Variants in ELP4 observed in about 807,000 individuals in gnomAD.
ELP4 encodes the protein elongator complex protein 4.
In ELP4, 51 loss-of-function variants were observed where a neutral mutation model predicts 48.9. The ratio of observed to expected loss-of-function variants is 1.04; its 90% CI spans 0.83 to 1.32. The LOEUF (loss-of-function observed/expected upper bound fraction) is 1.32. ELP4 is among the 40% of genes most tolerant of loss of function. The pLI, the probability that ELP4 is intolerant of heterozygous loss-of-function variation, is 0.00. For missense variants in ELP4, 519 were observed against 514.6 expected, an observed-to-expected ratio of 1.01 and a Z score of -0.08; for synonymous variants, 210 against 189.2, an observed-to-expected ratio of 1.11 and a Z score of -0.90.
intron 3 of ELP4, among the ~76,000 whole-genome samples, chr11:31,552,291 G>A (rs2093613): frequency 0.26 from 40,050 of 151,956 alleles, 5,518 homozygotes; most frequent in South Asian, 0.34. Context: ...CGCTGATCAC[G>A]TCTGCCCCAA....
In ELP4 at chr11:31,548,162, A is replaced by C. The variant is rs538115142; in HGVS notation, c.381+8379A>C. On this transcript the variant is annotated intron_variant, in intron 3 of 9. Coordinates refer to ENST00000640961, the MANE Select transcript of ELP4 (RefSeq NM_019040.5). Reference sequence around the variant, plus strand: ...GGCAATTAGGCAGGAGAAGGAAATAAGGGTATTCAATTAGGAAAAGAGGAA... The same window carrying C: ...GGCAATTAGGCAGGAGAAGGAAATACGGGTATTCAATTAGGAAAAGAGGAA... Among the ~76,000 whole-genome samples the C allele has an allele frequency of 2.3e-4, 35 of 152,342 alleles. 1 individual carries two copies. The South Asian group carries it at 4.6e-3, about 20-fold the overall frequency.
intron 6 of ELP4, among the ~76,000 whole-genome samples, chr11:31,627,441 TTAAA>T (rs1405167476): frequency 2.0e-5 from 3 of 152,078 alleles, no homozygotes; most frequent in Non-Finnish European, 2.9e-5. Flanking sequence ...AACATCATTT[TTAAA>T]TATGCATTTG....
At chr11:31,757,119 A>G (rs1947850399) in intron 9 of ELP4, among the ~76,000 whole-genome samples, 1 of 152,222 alleles carries the variant, frequency 6.6e-6, no homozygotes. Context: ...AATGCAAGAA[A>G]ATCAAAATAT....
chr11:31,584,183 T>C (rs1433567545), intron 3 of ELP4, among the ~76,000 whole-genome samples: 1 of 151,996 alleles, frequency 6.6e-6, no homozygotes, highest in Non-Finnish European at 1.5e-5. Context: ...TAGATATAAG[T>C]TAATTAAATT....
chr11:31,763,656 T>C, intron 9 of ELP4: 1 of 1,116,520 alleles, frequency 9.0e-7, no homozygotes, highest in Non-Finnish European at 1.2e-6. Flanking sequence ...CACATACTGC[T>C]ATTTAATCAC....
chr11:31,516,019 G>GA (rs949314903), intron 1 of ELP4, among the ~76,000 whole-genome samples: 1 of 151,882 alleles, frequency 6.6e-6, no homozygotes, highest in Non-Finnish European at 1.5e-5. Context: ...GCAGAGGCAG[G>GA]AGAATGGGGG....
At chr11:31,543,490 T>G (rs977896428) in intron 3 of ELP4, among the ~76,000 whole-genome samples, 17 of 152,082 alleles carry the variant, frequency 1.1e-4, no homozygotes, top group Non-Finnish European at 1.9e-4. Flanking sequence ...CGGCTAATTT[T>G]TTGTATTTTT....
At chr11:31,687,534 A>G (rs1453930070) in intron 9 of ELP4, 1 of 152,220 alleles carries the variant, frequency 6.6e-6, no homozygotes, top group African/African-American at 2.4e-5. Flanking sequence ...TCAGGGGCAT[A>G]GGGCTCAAAA....
chr11:31,520,210 A>C (rs1257400491), intron 2 of ELP4, 119 bp downstream of exon 2: 1 of 817,108 alleles, frequency 1.2e-6, no homozygotes, highest in East Asian at 2.7e-5. Flanking sequence ...AGTTAAGATA[A>C]ATTAGAGAGG....
intron 2 of ELP4, among the ~76,000 whole-genome samples, chr11:31,533,368 CTTTTTTTTTTTTTTT>C (rs71060492): frequency 2.0e-5 from 1 of 50,460 alleles, no homozygotes; most frequent in Non-Finnish European, 3.3e-5. Flanking sequence ...CCATCTCATT[CTTTTTTTTTTTTTTT>C]TTTTTTTTTT....
At position 31,716,556 on chromosome 11, in the gene ELP4, A is replaced by T. The variant is rs530460994; in HGVS notation, c.1143+66335A>T. ...CCATATAAGTGTTATTATTAATATCAAGGAATACTGTGTGTAGCCCATCAG... is the reference window on the plus strand; with the variant it reads ...CCATATAAGTGTTATTATTAATATCTAGGAATACTGTGTGTAGCCCATCAG... On this transcript the variant is annotated intron_variant, in intron 9 of 9. Transcript: ENST00000640961. 1.9e-4 allele frequency among the ~76,000 whole-genome samples: 29 copies of T among 152,328 alleles called. No individual in the cohort carries two copies. In the East Asian group the frequency reaches 4.6e-3, roughly 24 times the overall value.
intron 7 of ELP4, among the ~76,000 whole-genome samples, chr11:31,645,317 A>T (rs1945178498): frequency 6.6e-6 from 1 of 151,770 alleles, no homozygotes; most frequent in Admixed American, 6.6e-5. Flanking sequence ...TAAATCTCCC[A>T]CAAACTACCT....
chr11:31,669,398 C>T (rs1433156344), intron 9 of ELP4, among the ~76,000 whole-genome samples: 3 of 151,954 alleles, frequency 2.0e-5, no homozygotes, highest in Non-Finnish European at 4.4e-5. Flanking sequence ...TTTATAAATG[C>T]GAAAAATGCT....
intron 5 of ELP4, among the ~76,000 whole-genome samples, chr11:31,621,864 A>T (rs1188664520): frequency 2.0e-5 from 3 of 151,830 alleles, no homozygotes; most frequent in African/African-American, 7.2e-5. Context: ...GTGGGGCTTT[A>T]TCTTAGTATA....
chr11:31,628,436 T>TACACACACACACACACAC (rs55801807), intron 6 of ELP4: 3 of 148,242 alleles, frequency 2.0e-5, no homozygotes, highest in Non-Finnish European at 3.0e-5. Flanking sequence ...GCAAAAGGAA[T>TACACACACACACACACAC]ACACACACAC....
At chr11:31,653,658 A>G (rs962213081) in intron 9 of ELP4, 4 of 151,740 alleles carry the variant, frequency 2.6e-5, no homozygotes, top group African/African-American at 9.7e-5. Flanking sequence ...GCTGAAATGT[A>G]TGTAATATAG....
chr11:31,749,735 G>C (rs1947676860), intron 9 of ELP4, among the ~76,000 whole-genome samples: 1 of 152,014 alleles, frequency 6.6e-6, no homozygotes, highest in Non-Finnish European at 1.5e-5. Context: ...TAACCACATA[G>C]ATAGTAATTC....
chr11:31,513,856 A>T (rs972273284), intron 1 of ELP4, among the ~76,000 whole-genome samples: 1 of 152,202 alleles, frequency 6.6e-6, no homozygotes, highest in Non-Finnish European at 1.5e-5. Flanking sequence ...ATTTTCTAAT[A>T]TTATTTCTTA....
chr11:31,609,087 A>G (rs1384932356), intron 5 of ELP4, among the ~76,000 whole-genome samples: 1 of 152,108 alleles, frequency 6.6e-6, no homozygotes. Flanking sequence ...TGACTGCTTC[A>G]TTGGCAGGCT....
Sources: allele counts gnomAD v4.1 joint callset (sites outside exome capture counted in the v4.1 genomes callset), GRCh38; gene constraint gnomAD v4.1.1; transcripts MANE v1.5; gene names NCBI Gene and HGNC (gene_info 2026-07-23, HGNC 2026-07-21).